CFHR5: variants seen among roughly 807,000 people sequenced by gnomAD.
The protein encoded by CFHR5 is complement factor H related 5, also known as complement factor H-related protein 5.
In CFHR5, 73 loss-of-function variants were observed where a neutral mutation model predicts 62.9. The ratio of observed to expected loss-of-function variants is 1.16; its 90% CI spans 0.96 to 1.41. CFHR5 has a LOEUF of 1.41. Among genes scored for constraint, CFHR5 ranks in the 40% most tolerant of loss-of-function variants. The probability of loss-of-function intolerance (pLI) is 0.00; values close to 1 mark genes in which losing one functional copy is unlikely to be tolerated. For synonymous variants in CFHR5, 249 were observed against 227.2 expected, an observed-to-expected ratio of 1.10 and a Z score of -0.86; for missense variants, 779 against 679.9, an observed-to-expected ratio of 1.15 and a Z score of -1.62.
chr1:196,999,760 T>C (rs1419251452), intron 7 of CFHR5, among the ~76,000 whole-genome samples: 1 of 143,618 alleles, frequency 7.0e-6, no homozygotes, highest in East Asian at 2.1e-4. Flanking sequence ...CATATGTATA[T>C]ACACACACAC....
Position 196,984,684 on chromosome 1 carries a change from A to G in CFHR5, c.430+547A>G, listed in dbSNP as rs534289923. Among the ~76,000 whole-genome samples, 29 of 152,254 alleles carry G rather than the reference A, an allele frequency of 1.9e-4. 1 individual carries two copies. The South Asian group carries it at 6.0e-3, about 32-fold the overall frequency. The stretch of plus-strand genomic sequence containing the variant: ...CCTGTGTGAACTCTTGTAATTCTTC[A>G]TCTTTATAGCTCTTCAGTAATTGTT... On this transcript the variant is annotated intron_variant, in intron 3 of 9. Coordinates refer to ENST00000256785, the MANE Select transcript of CFHR5 (RefSeq NM_030787.4).
rs138529008 is a variant in CFHR5 at position 196,984,134 on chromosome 1, A to G, written c.427A>G (p.Thr143Ala). ...GTCCACTCCTCCCATATGCAGCTTC[A>G]CTAGTAAGCAAAATACCACTCTCTC... The part of the protein sequence containing the change: ...GWSTPPICSF[T>A]KGECHVPILE... Residue 143 changes from threonine to alanine, a missense_variant, in exon 3 of 10, where the codon ACT becomes GCT. Coordinates refer to ENST00000256785, the MANE Select transcript of CFHR5 (RefSeq NM_030787.4). 6 of 1,612,560 alleles carry G rather than the reference A, an allele frequency of 3.7e-6. No homozygotes were observed. The African/African-American group carries it at 6.7e-5, about 18-fold the overall frequency.
chr1:196,990,920 A>G (rs534380622), intron 3 of CFHR5, among the ~76,000 whole-genome samples: 26 of 152,218 alleles, frequency 1.7e-4, no homozygotes, highest in Middle Eastern at 3.4e-3. Flanking sequence ...CTGCCTTGCT[A>G]GGTTAAGGAA....
intron 1 of CFHR5, among the ~76,000 whole-genome samples, 198 bp downstream of exon 1, chr1:196,977,920 C>T (rs771313114): frequency 1.1e-4 from 16 of 152,012 alleles, no homozygotes; most frequent in Non-Finnish European, 1.9e-4. Context: ...TAATTCTCTC[C>T]GTTCTCTAGT....
intron 8 of CFHR5, among the ~76,000 whole-genome samples, chr1:197,003,822 T>C (rs1246475926): frequency 1.3e-5 from 2 of 152,150 alleles, no homozygotes; most frequent in East Asian, 1.9e-4. Context: ...TATTGAATTG[T>C]GACATTTTCA....
intron 6 of CFHR5, among the ~76,000 whole-genome samples, chr1:196,996,969 G>A (rs990253866): frequency 2.0e-5 from 3 of 151,962 alleles, no homozygotes; most frequent in Non-Finnish European, 4.4e-5. Context: ...TTAAGTACTT[G>A]CAGGTATTTT....
In CFHR5 at chr1:196,979,747, A is replaced by G. The variant is rs540464643; in HGVS notation, c.58+2025A>G. Reference sequence around the variant, plus strand: ...TTATTTTATTTATATATTTATTTCAATATTTTGGGGGGAGCAGGTGGTTTT... The same window carrying G: ...TTATTTTATTTATATATTTATTTCAGTATTTTGGGGGGAGCAGGTGGTTTT... On this transcript the variant is annotated intron_variant, in intron 1 of 9. Coordinates refer to ENST00000256785, the MANE Select transcript of CFHR5 (RefSeq NM_030787.4). 7.9e-5 allele frequency among the ~76,000 whole-genome samples: 12 copies of G among 152,150 alleles called. No homozygotes were observed. The South Asian group carries it at 2.3e-3, about 29-fold the overall frequency.
chr1:196,999,683 GTATATATATA>G (rs35191504), intron 7 of CFHR5, among the ~76,000 whole-genome samples: 1,622 of 110,654 alleles, frequency 0.015, 56 homozygotes, highest in African/African-American at 0.057. Flanking sequence ...TTGGGAAAAA[GTATATATATA>G]TATATATATA....
chr1:197,000,631 C>G (rs1654129293), intron 7 of CFHR5, among the ~76,000 whole-genome samples: 1 of 152,128 alleles, frequency 6.6e-6, no homozygotes, highest in South Asian at 2.1e-4. Context: ...TTCAGCTTCC[C>G]TATTTCCTGG....
intron 3 of CFHR5, among the ~76,000 whole-genome samples, chr1:196,991,739 C>G (rs1653852123): frequency 6.6e-6 from 1 of 152,190 alleles, no homozygotes; most frequent in Admixed American, 6.5e-5. Context: ...ATATTGCTGC[C>G]TGCTCCTTCC....
At chr1:197,008,068 A>T (rs1379831824) in intron 9 of CFHR5, among the ~76,000 whole-genome samples, 1 of 149,642 alleles carries the variant, frequency 6.7e-6, no homozygotes, top group Non-Finnish European at 1.5e-5. Flanking sequence ...AGGGAAGAAG[A>T]TAACATTGTT....
At chr1:197,008,004 T>A (rs1297188728) in intron 9 of CFHR5, among the ~76,000 whole-genome samples, 3 of 147,786 alleles carry the variant, frequency 2.0e-5, no homozygotes, top group African/African-American at 7.4e-5. Flanking sequence ...AAGATATATA[T>A]AAATATATAT....
intron 1 of CFHR5, among the ~76,000 whole-genome samples, chr1:196,978,841 G>C (rs1196147425): frequency 6.6e-6 from 1 of 152,136 alleles, no homozygotes; most frequent in Non-Finnish European, 1.5e-5. Flanking sequence ...GGAAGCAGAG[G>C]AAGATAAGTG....
chr1:196,987,696 G>T (rs1255511164), intron 3 of CFHR5, among the ~76,000 whole-genome samples: 1 of 151,980 alleles, frequency 6.6e-6, no homozygotes, highest in Non-Finnish European at 1.5e-5. Flanking sequence ...TATTTCTGAG[G>T]CCTCTGTTCT....
intron 9 of CFHR5, 54 bp from the exon 10 acceptor site, chr1:197,008,433 A>G: frequency 1.0e-5 from 11 of 1,049,486 alleles, no homozygotes; most frequent in Non-Finnish European, 1.5e-5. Context: ...TATTCTATGA[A>G]AGGTAAAGAT....
In CFHR5 at chr1:197,002,537, G is replaced by A; in HGVS notation, c.1203G>A (p.Met401Ile). ...CTCAGATACCTAATGCTCAGAATATGACAACCACAGTGAATTATCAGGATG... is the reference window on the plus strand; with the variant it reads ...CTCAGATACCTAATGCTCAGAATATAACAACCACAGTGAATTATCAGGATG... ...PPPQIPNAQN[M>I]TTTVNYQDGE... Residue 401 changes from methionine to isoleucine, a missense_variant, in exon 8 of 10, where the codon ATG becomes ATA. Coordinates refer to ENST00000256785, the MANE Select transcript of CFHR5 (RefSeq NM_030787.4). 1 of 1,613,664 alleles carries A rather than the reference G, an allele frequency of 6.2e-7. No homozygotes were observed. The highest frequency in any genetic ancestry group is 1.1e-5 in the South Asian group (1 of 91,054).
At chr1:196,995,973 G>A in intron 5 of CFHR5, 49 bp from the exon 6 acceptor site, 1 of 1,599,456 alleles carries the variant, frequency 6.3e-7, no homozygotes, top group Non-Finnish European at 8.6e-7. Context: ...CATGTAAACA[G>A]ATTTAAAATA....
At chr1:197,007,129 C>G (rs1654310094) in intron 9 of CFHR5, among the ~76,000 whole-genome samples, 1 of 151,844 alleles carries the variant, frequency 6.6e-6, no homozygotes, top group South Asian at 2.1e-4. Flanking sequence ...GCCACCACGC[C>G]CGGCCCAATG....
At chr1:197,001,466 T>A (rs1467909388) in intron 7 of CFHR5, among the ~76,000 whole-genome samples, 1 of 152,148 alleles carries the variant, frequency 6.6e-6, no homozygotes, top group Non-Finnish European at 1.5e-5. Flanking sequence ...TGCACTCTTC[T>A]GTCTTGATTT....
Sources: gnomAD v4.1 joint callset for allele counts (sites outside exome capture counted in the v4.1 genomes callset) on GRCh38, gnomAD v4.1.1 for gene constraint, MANE v1.5 for transcripts, NCBI Gene and HGNC (gene_info 2026-07-23, HGNC 2026-07-21) for gene names.